CBL: variants seen among roughly 807,000 people sequenced by gnomAD.
CBL encodes Cbl proto-oncogene.
Under a neutral mutation model 96.9 loss-of-function variants are expected in CBL, and 45 were observed. That is an observed-to-expected ratio of 0.46 (90% CI 0.37 to 0.60). The LOEUF is 0.60. Among genes scored for constraint, CBL ranks in the 20% least tolerant of loss-of-function variants. CBL has a pLI of 0.00. For synonymous variants in CBL, 420 were observed against 426.8 expected, an observed-to-expected ratio of 0.98 and a Z score of 0.20; for missense variants, 1,024 against 1,143.5, an observed-to-expected ratio of 0.90 and a Z score of 1.51.
At chr11:119,272,963 C>T (rs1437058452) in intron 3 of CBL, among the ~76,000 whole-genome samples, 2 of 149,746 alleles carry the variant, frequency 1.3e-5, no homozygotes, top group Admixed American at 1.3e-4. Flanking sequence ...TATAAATATC[C>T]TAGGTTTTGT....
intron 2 of CBL, among the ~76,000 whole-genome samples, chr11:119,267,998 G>A (rs1010310858): frequency 2.0e-5 from 3 of 152,194 alleles, no homozygotes; most frequent in Admixed American, 6.5e-5. Flanking sequence ...GGCAAAGGCC[G>A]AGAAACAAAG....
Position 119,275,034 on chromosome 11 carries a change from C to T in CBL, c.869+81C>T, listed in dbSNP as rs996279424. 45 of 1,504,272 alleles carry T rather than the reference C, an allele frequency of 3.0e-5. 1 individual carries two copies. Among genetic ancestry groups the T allele is most frequent in the South Asian group, 1.4e-4 (12 of 88,082 alleles). The allele number at this position is 1,504,272 out of a possible 1,614,324, so 93.2% of individuals were successfully genotyped here. A position where few individuals can be genotyped will look rare whatever the true frequency, so the allele number is the denominator to read the frequency against. ...TCTGCTAGTATAGAAGAAACATGAC[C>T]TTAATTAGTTTCGCAATAGCCAAGG... On this transcript the variant is annotated intron_variant, in intron 5 of 15. Transcript: ENST00000264033.
At chr11:119,214,637 C>T (rs1237773218) in intron 1 of CBL, among the ~76,000 whole-genome samples, 1 of 152,168 alleles carries the variant, frequency 6.6e-6, no homozygotes, top group Non-Finnish European at 1.5e-5. Flanking sequence ...GTTGGTGTTT[C>T]TTCAAATTAT....
intron 12 of CBL, among the ~76,000 whole-genome samples, chr11:119,294,784 C>T (rs916606400): frequency 9.7e-5 from 13 of 134,002 alleles, no homozygotes; most frequent in East Asian, 4.8e-4. Context: ...AGTGAGACTC[C>T]GTCTCAAAAA....
At chr11:119,219,019 AC>A (rs1454733814) in intron 1 of CBL, among the ~76,000 whole-genome samples, 2 of 152,066 alleles carry the variant, frequency 1.3e-5, no homozygotes, top group Non-Finnish European at 2.9e-5. Flanking sequence ...GGAGTTCGAG[AC>A]CACCCTGGGC....
At chr11:119,216,592 G>A (rs1473000058) in intron 1 of CBL, among the ~76,000 whole-genome samples, 4 of 151,830 alleles carry the variant, frequency 2.6e-5, no homozygotes, top group Non-Finnish European at 2.9e-5. Flanking sequence ...GGATGGTCTC[G>A]ATCTCTTGAC....
At position 119,303,285 on chromosome 11, in the gene CBL, C is replaced by T. The variant is rs1021874359; in HGVS notation, c.*3504C>T. The T allele has an allele frequency of 4.3e-5, 10 of 232,676 alleles. No individual in the cohort carries two copies. The highest frequency in any genetic ancestry group is 1.3e-4 in the African/African-American group (6 of 45,300). The allele number at this position is 232,676 out of a possible 1,614,324, so 14.4% of individuals were successfully genotyped here. A position where few individuals can be genotyped will look rare whatever the true frequency, so the allele number is the denominator to read the frequency against. On this transcript the variant is annotated 3_prime_UTR_variant, in exon 16 of 16. Transcript: ENST00000264033. ...TCAAACTATAAGTCCCTCTTCTTGCCGTTGGCCTTTCTGACTCTGGAATGA... is the reference window on the plus strand; with the variant it reads ...TCAAACTATAAGTCCCTCTTCTTGCTGTTGGCCTTTCTGACTCTGGAATGA...
intron 1 of CBL, among the ~76,000 whole-genome samples, chr11:119,227,153 A>G (rs1949465486): frequency 6.6e-6 from 1 of 152,212 alleles, no homozygotes; most frequent in Admixed American, 6.5e-5. Context: ...CACTTTTAGT[A>G]CAGTATTCAA....
Position 119,299,653 on chromosome 11 carries a change from A to G in CBL, c.2593A>G (p.Met865Val). 1 of 1,614,150 alleles carries G rather than the reference A, an allele frequency of 6.2e-7. No individual in the cohort carries two copies. Among genetic ancestry groups the G allele is most frequent in the Non-Finnish European group, 8.5e-7 (1 of 1,180,024 alleles). ...GCTCTCCAGTGAGATCGAGAACCTCATGAGTCAGGGGTACTCCTACCAGGA... is the reference window on the plus strand; with the variant it reads ...GCTCTCCAGTGAGATCGAGAACCTCGTGAGTCAGGGGTACTCCTACCAGGA... ...PQLSSEIENLMSQGYSYQDIQ... is the reference protein window; with the variant it reads ...PQLSSEIENLVSQGYSYQDIQ... Residue 865 changes from methionine (M) to valine (V), a missense_variant, in exon 16 of 16, where the codon ATG becomes GTG. Met to Val is a conservative substitution (Grantham distance 21, BLOSUM62 1). Transcript: ENST00000264033.
At chr11:119,268,869 C>T (rs1166037168) in intron 2 of CBL, among the ~76,000 whole-genome samples, 1 of 152,170 alleles carries the variant, frequency 6.6e-6, no homozygotes, top group Non-Finnish European at 1.5e-5. Context: ...AAGTGTGACA[C>T]GGATTTTTTC....
intron 9 of CBL, among the ~76,000 whole-genome samples, chr11:119,280,767 T>C (rs1949927805): frequency 6.6e-6 from 1 of 152,212 alleles, no homozygotes; most frequent in African/African-American, 2.4e-5. Flanking sequence ...TTCTGGATTC[T>C]TGATCTCTTC....
chr11:119,298,358 G>A lies in CBL; in HGVS notation c.2252G>A (p.Gly751Asp). 1 of 1,614,010 alleles carries A rather than the reference G, an allele frequency of 6.2e-7. No individual in the cohort carries two copies. Among genetic ancestry groups the A allele is most frequent in the Non-Finnish European group, 8.5e-7 (1 of 1,179,868 alleles). Residue 751 changes from glycine to aspartate, a missense_variant and splice_region_variant, in exon 15 of 16, where the codon GGT becomes GAT. By Grantham distance (94) the Gly-to-Asp change is moderately conservative. Coordinates refer to ENST00000264033, the MANE Select transcript of CBL (RefSeq NM_005188.4). ...APSITESSTF[G>D]EGNLAAAHAN... ...GATAACATCACTCATTTTTCTCCAG[G>A]TGAAGGGAATTTGGCCGCAGCCCAT...
intron 1 of CBL, among the ~76,000 whole-genome samples, chr11:119,230,318 A>AATTTTTAGT (rs1949492578): frequency 1.3e-5 from 2 of 151,886 alleles, no homozygotes; most frequent in African/African-American, 4.8e-5. Context: ...ACGCCCGGCT[A>AATTTTTAGT]ATTTTTAGTA....
intron 1 of CBL, among the ~76,000 whole-genome samples, chr11:119,217,697 T>A (rs561345741): frequency 6.6e-6 from 1 of 152,232 alleles, no homozygotes; most frequent in Non-Finnish European, 1.5e-5. Flanking sequence ...ATTTTTTTTT[T>A]AAATAAATGG....
chr11:119,230,430 G>A (rs753823901), intron 1 of CBL, among the ~76,000 whole-genome samples: 27 of 152,212 alleles, frequency 1.8e-4, no homozygotes, highest in Non-Finnish European at 2.8e-4. Context: ...GTGAGCCACC[G>A]CGCCCGGCCT....
At chr11:119,231,340 G>A (rs571898547) in intron 1 of CBL, among the ~76,000 whole-genome samples, 21 of 152,164 alleles carry the variant, frequency 1.4e-4, no homozygotes, top group Non-Finnish European at 2.9e-4. Flanking sequence ...CTGGGAGGCA[G>A]CAGCTGCAGT....
At chr11:119,211,057 T>C (rs1406086002) in intron 1 of CBL, among the ~76,000 whole-genome samples, 2 of 152,166 alleles carry the variant, frequency 1.3e-5, no homozygotes, top group Non-Finnish European at 2.9e-5. Context: ...GTAAAAGTTA[T>C]ATAAATGTAG....
chr11:119,305,606 A>G lies in CBL; in HGVS notation c.*5825A>G. 8.9e-6 allele frequency: 2 copies of G among 225,756 alleles called. No homozygotes were observed. The highest frequency in any genetic ancestry group is 8.8e-6 in the Non-Finnish European group (1 of 113,408). The allele number at this position is 225,756 out of a possible 1,614,324, so 14.0% of individuals were successfully genotyped here. A position where few individuals can be genotyped will look rare whatever the true frequency, so the allele number is the denominator to read the frequency against. ...AAACTACTTTGCCAGAGCCAGTAAG[A>G]ATATATAATATTGGAGCAGTTGCCA... is the stretch of plus-strand genomic sequence containing the variant. On this transcript the variant is annotated 3_prime_UTR_variant, in exon 16 of 16. Coordinates refer to ENST00000264033, the MANE Select transcript of CBL (RefSeq NM_005188.4).
intron 9 of CBL, among the ~76,000 whole-genome samples, chr11:119,284,285 C>G (rs896388274): frequency 1.3e-5 from 2 of 151,988 alleles, no homozygotes; most frequent in African/African-American, 4.8e-5. Context: ...CTGCACCCCC[C>G]GCCCCACTGC....
Sources: gnomAD v4.1 joint callset for allele counts (sites outside exome capture counted in the v4.1 genomes callset) on GRCh38, gnomAD v4.1.1 for gene constraint, MANE v1.5 for transcripts, NCBI Gene and HGNC (gene_info 2026-07-23, HGNC 2026-07-21) for gene names.